Variants in DCT observed in about 807,000 individuals in gnomAD.
The protein encoded by DCT is L-dopachrome tautomerase.
A neutral mutation model predicts 53.0 loss-of-function variants in DCT; 47 were observed. The ratio of observed to expected loss-of-function variants is 0.89; its 90% confidence interval spans 0.70 to 1.13. The LOEUF (loss-of-function observed/expected upper bound fraction) is 1.13. Ranked by LOEUF, DCT falls within the 50% of genes most tolerant of loss-of-function variation. The pLI, the probability that DCT is intolerant of heterozygous loss-of-function variation, is 0.00. For missense variants in DCT, 669 were observed against 637.4 expected (o/e 1.05, Z -0.53); for synonymous variants, 244 against 237.0 (o/e 1.03, Z -0.27).
At position 94,479,265 on chromosome 13, in the gene DCT, A is replaced by G. The variant is rs1403469187; in HGVS notation, c.-10T>C. On this transcript the variant is annotated 5_prime_UTR_variant, in exon 1 of 8. Transcript: ENST00000377028. ...ACCAAAGGGGGCTCATGGCTTTATA[A>G]TTGGGAGAGCTCTCTCTCTCTCTTA... is the stretch of plus-strand genomic sequence containing the variant. 1 of 1,557,934 alleles carries G rather than the reference A, an allele frequency of 6.4e-7. No homozygotes were observed. The highest frequency in any genetic ancestry group is 1.4e-5 in the African/African-American group (1 of 73,614).
At chr13:94,532,800 T>C in the DCT span, among the ~76,000 whole-genome samples, 24 of 152,108 alleles carry the variant, frequency 1.6e-4, no homozygotes, top group East Asian at 4.4e-3. Context: ...AATAAACAAA[T>C]AAATAAATGG....
intron 1 of DCT, 73 bp from the exon 2 acceptor site, chr13:94,469,118 C>T: frequency 7.7e-7 from 1 of 1,302,624 alleles, no homozygotes; most frequent in Admixed American, 1.8e-5. Flanking sequence ...AATTTGTACT[C>T]TGAAATTTGA....
chr13:94,454,913 T>C (rs1420717215), intron 6 of DCT, among the ~76,000 whole-genome samples: 5 of 152,200 alleles, frequency 3.3e-5, no homozygotes, highest in African/African-American at 1.2e-4. Context: ...TTTTTGTTTA[T>C]TTATATGTAT....
chr13:94,438,857 C>G lies in DCT; in HGVS notation c.*1041G>C. ...GCATTCATAAGTAACTGTGAGTATT[C>G]GGCAACATTAATCAATCTAACATCA... On this transcript the variant is annotated 3_prime_UTR_variant, in exon 8 of 8. Coordinates refer to ENST00000377028, the MANE Select transcript of DCT (RefSeq NM_001922.5). 1 of 303,438 alleles carries G rather than the reference C, an allele frequency of 3.3e-6. No individual in the cohort carries two copies. Among genetic ancestry groups the G allele is most frequent in the Non-Finnish European group, 6.5e-6 (1 of 153,120 alleles). 18.8% of individuals were successfully genotyped at this position (303,438 alleles called of 1,614,324 possible).
the DCT span, among the ~76,000 whole-genome samples, chr13:94,511,534 A>G: frequency 1.3e-5 from 2 of 151,588 alleles, no homozygotes; most frequent in East Asian, 3.9e-4. Flanking sequence ...TAATTTGTGT[A>G]TTTTTTGTAG....
the DCT span, among the ~76,000 whole-genome samples, chr13:94,531,499 C>T: frequency 9.9e-5 from 15 of 152,080 alleles, no homozygotes; most frequent in African/African-American, 2.7e-4. Flanking sequence ...CATCTACGAC[C>T]GTCTGATCTT....
intron 4 of DCT, among the ~76,000 whole-genome samples, chr13:94,462,536 A>G (rs1883883958): frequency 6.6e-6 from 1 of 151,992 alleles, no homozygotes; most frequent in Non-Finnish European, 1.5e-5. Context: ...AAAAAATGAT[A>G]TGTCTTAACT....
chr13:94,455,359 G>A (rs1367948620), intron 6 of DCT, among the ~76,000 whole-genome samples: 1 of 148,782 alleles, frequency 6.7e-6, no homozygotes, highest in East Asian at 1.9e-4. Flanking sequence ...TTCAGCCTGG[G>A]CAACAGAGAG....
intron 1 of DCT, among the ~76,000 whole-genome samples, chr13:94,478,108 A>T (rs1885215670): frequency 1.3e-5 from 2 of 152,292 alleles, no homozygotes; most frequent in South Asian, 2.1e-4. Flanking sequence ...GTTCAAGTCC[A>T]GAGAAGAGTG....
the DCT span, among the ~76,000 whole-genome samples, chr13:94,523,678 C>T: frequency 0.012 from 1,882 of 152,278 alleles, 40 homozygotes; most frequent in African/African-American, 0.043. Context: ...TTTACAACTA[C>T]GCCATTCCTA....
chr13:94,522,899 G>C, the DCT span, among the ~76,000 whole-genome samples: 2 of 152,230 alleles, frequency 1.3e-5, no homozygotes, highest in African/African-American at 2.4e-5. Context: ...GTACAGTCAA[G>C]CTGCAGGAGC....
intron 3 of DCT, among the ~76,000 whole-genome samples, 190 bp from the exon 4 acceptor site, chr13:94,465,989 T>C (rs1273921544): frequency 4.4e-5 from 1 of 22,692 alleles, no homozygotes; most frequent in Non-Finnish European, 1.3e-4. Flanking sequence ...TATATATATA[T>C]ATATATATAT....
chr13:94,513,114 C>T, the DCT span, among the ~76,000 whole-genome samples: 36 of 152,354 alleles, frequency 2.4e-4, no homozygotes, highest in African/African-American at 8.7e-4. Flanking sequence ...TCTCCTGATT[C>T]ACGTCTGTGC....
At chr13:94,533,256 A>C in the DCT span, among the ~76,000 whole-genome samples, 50 of 150,856 alleles carry the variant, frequency 3.3e-4, no homozygotes, top group African/African-American at 1.1e-3. Context: ...GACAAAAATA[A>C]TTTATTTGGC....
intron 3 of DCT, 69 bp downstream of exon 3, chr13:94,466,489 G>C: frequency 1.1e-6 from 1 of 939,726 alleles, no homozygotes; most frequent in African/African-American, 1.7e-5. Context: ...AATTCACACT[G>C]TATGCCTTAA....
At chr13:94,499,855 C>A in the DCT span, among the ~76,000 whole-genome samples, 1 of 152,110 alleles carries the variant, frequency 6.6e-6, no homozygotes, top group South Asian at 2.1e-4. Context: ...CACAGCTGGC[C>A]TTCCCTCTTC....
rs760910051 is a variant in DCT at position 94,479,072 on chromosome 13, T to C, written c.184A>G (p.Thr62Ala). 4.3e-6 allele frequency: 7 copies of C among 1,614,148 alleles called. No homozygotes were observed. Among genetic ancestry groups the C allele is most frequent in the Middle Eastern group, 1.6e-4 (1 of 6,084 alleles). Reference sequence around the variant, plus strand: ...GGCCTTGTGTCGGCTCGCACCTCTGTGCACTGCCCCCGGCCTTGCTGAGAG... The same window carrying C: ...GGCCTTGTGTCGGCTCGCACCTCTGCGCACTGCCCCCGGCCTTGCTGAGAG... ...CGSQQGRGQC[T>A]EVRADTRPWS... Residue 62 changes from threonine to alanine, a missense_variant, in exon 1 of 8, where the codon ACA becomes GCA. By Grantham distance (58) the Thr-to-Ala change is moderately conservative. Transcript: ENST00000377028.
At chr13:94,536,682 C>A in the DCT span, among the ~76,000 whole-genome samples, 1 of 152,202 alleles carries the variant, frequency 6.6e-6, no homozygotes, top group Non-Finnish European at 1.5e-5. Context: ...GTGGCTCACG[C>A]TTGTAATCCC....
chr13:94,453,348 T>A (rs991333844), intron 6 of DCT, among the ~76,000 whole-genome samples: 3 of 152,024 alleles, frequency 2.0e-5, no homozygotes, highest in African/African-American at 7.2e-5. Flanking sequence ...AACAAAAAAA[T>A]TGAGATGGAA....
Sources: gnomAD v4.1 joint callset for allele counts (sites outside exome capture counted in the v4.1 genomes callset) on GRCh38, gnomAD v4.1.1 for gene constraint, MANE v1.5 for transcripts, NCBI Gene and HGNC (gene_info 2026-07-23, HGNC 2026-07-21) for gene names.